Variants in FNDC3B observed in about 807,000 individuals in gnomAD.
The protein encoded by FNDC3B is fibronectin type III domain containing 3B, also known as fibronectin type III domain-containing protein 3B.
Under a neutral mutation model 151.5 loss-of-function variants are expected in FNDC3B, and 12 were observed. The ratio of observed to expected loss-of-function variants is 0.08; its 90% CI spans 0.05 to 0.13. The LOEUF is 0.13. Among genes scored for constraint, FNDC3B ranks in the 10% least tolerant of loss-of-function variants. The pLI, the probability that FNDC3B is intolerant of heterozygous loss-of-function variation, is 1.00. For synonymous variants in FNDC3B, 528 were observed against 549.0 expected, an observed-to-expected ratio of 0.96 and a Z score of 0.54; for missense variants, 1,214 against 1,505.3, an observed-to-expected ratio of 0.81 and a Z score of 3.20.
intron 3 of FNDC3B, among the ~76,000 whole-genome samples, chr3:172,171,600 CT>C (rs34275289): frequency 0.28 from 34,343 of 123,400 alleles, 3,744 homozygotes; most frequent in Admixed American, 0.31. Flanking sequence ...GCTGTATTAA[CT>C]TTTTTTTTTT....
Position 172,381,018 on chromosome 3 carries a change from G to A in FNDC3B, c.3228G>A (p.Thr1076=), listed in dbSNP as rs553812954. The A allele has an allele frequency of 1.1e-5, 17 of 1,613,646 alleles. No homozygotes were observed. Among genetic ancestry groups the A allele is most frequent in the Admixed American group, 5.0e-5 (3 of 60,016 alleles). ...ATTCATGTGAAATTTTATGGGAGAC[G>A]GTACCATCAATGAAAGGTGACCCTG... ...EGNSCEILWE[T]VPSMKGDPVN... is the part of the protein sequence containing the mutation. Residue 1076 remains threonine (T), a synonymous_variant, in exon 25 of 26, where the codon ACG becomes ACA. Transcript: ENST00000415807.
In FNDC3B at chr3:172,337,410, T is replaced by A. The variant is rs1428448132; in HGVS notation, c.1852+9T>A. 1 of 1,598,162 alleles carries A rather than the reference T, an allele frequency of 6.3e-7. No individual in the cohort carries two copies. Among genetic ancestry groups the A allele is most frequent in the Non-Finnish European group, 8.6e-7 (1 of 1,165,710 alleles). The stretch of plus-strand genomic sequence containing the variant: ...TGATGGAAATTCTGAAGGTGAAGTT[T>A]TTGGCAATTGTTTTATTCAAATCCA... On this transcript the variant is annotated intron_variant, in intron 16 of 25. Coordinates refer to ENST00000415807, the MANE Select transcript of FNDC3B (RefSeq NM_022763.4).
chr3:172,302,449 A>C (rs1730959523), intron 9 of FNDC3B: 1 of 152,252 alleles, frequency 6.6e-6, no homozygotes, highest in Non-Finnish European at 1.5e-5. Flanking sequence ...CTGACATGCC[A>C]TTTGAGCCAG....
At chr3:172,159,008 A>C (rs1318801465) in intron 3 of FNDC3B, among the ~76,000 whole-genome samples, 2 of 152,178 alleles carry the variant, frequency 1.3e-5, no homozygotes, top group East Asian at 1.9e-4. Flanking sequence ...GGGGCCGGGC[A>C]TGGTGGCTCA....
At chr3:172,207,895 C>T (rs774459219) in intron 3 of FNDC3B, among the ~76,000 whole-genome samples, 45 of 152,092 alleles carry the variant, frequency 3.0e-4, no homozygotes, top group Non-Finnish European at 5.6e-4. Context: ...TGCAGTGAAC[C>T]GAGATTGCAC....
intron 4 of FNDC3B, among the ~76,000 whole-genome samples, chr3:172,243,347 A>G (rs1315445685): frequency 2.6e-5 from 4 of 152,242 alleles, no homozygotes; most frequent in African/African-American, 9.6e-5. Context: ...GCTGATAAAG[A>G]CATACCTGAG....
chr3:172,264,577 C>G (rs1443436250), intron 6 of FNDC3B, among the ~76,000 whole-genome samples: 2 of 152,176 alleles, frequency 1.3e-5, no homozygotes, highest in Non-Finnish European at 2.9e-5. Flanking sequence ...GCTTCCAAGA[C>G]TTGCCATATT....
At chr3:172,158,257 A>G (rs1270725703) in intron 3 of FNDC3B, among the ~76,000 whole-genome samples, 29 of 152,232 alleles carry the variant, frequency 1.9e-4, no homozygotes, top group Admixed American at 1.9e-3. Context: ...TCGTTTTATA[A>G]GAAACTGACA....
intron 4 of FNDC3B, among the ~76,000 whole-genome samples, chr3:172,244,935 C>G (rs1324271922): frequency 6.6e-6 from 1 of 152,066 alleles, no homozygotes; most frequent in African/African-American, 2.4e-5. Context: ...CAATATTTCA[C>G]TTTTTTAAAA....
chr3:172,391,366 G>T (rs933535480), intron 25 of FNDC3B, among the ~76,000 whole-genome samples: 5 of 152,156 alleles, frequency 3.3e-5, no homozygotes, highest in Admixed American at 1.3e-4. Context: ...CCATGTTAAA[G>T]ATGAGAAAAC....
At chr3:172,252,362 T>G (rs1170172243) in intron 6 of FNDC3B, among the ~76,000 whole-genome samples, 1 of 152,016 alleles carries the variant, frequency 6.6e-6, no homozygotes, top group Non-Finnish European at 1.5e-5. Flanking sequence ...CTTGAACAAC[T>G]TTTAAACATA....
intron 25 of FNDC3B, among the ~76,000 whole-genome samples, chr3:172,393,839 T>G (rs914246754): frequency 3.3e-5 from 5 of 152,074 alleles, no homozygotes; most frequent in Admixed American, 2.6e-4. Flanking sequence ...CCAGGCACAG[T>G]GGCTCACACC....
intron 1 of FNDC3B, among the ~76,000 whole-genome samples, chr3:172,098,896 G>C (rs1055815874): frequency 3.3e-5 from 5 of 152,170 alleles, no homozygotes; most frequent in African/African-American, 1.2e-4. Flanking sequence ...CGTGCTTCCT[G>C]TGTGAGTACC....
At chr3:172,131,796 T>C (rs1157676983) in intron 2 of FNDC3B, among the ~76,000 whole-genome samples, 2 of 152,214 alleles carry the variant, frequency 1.3e-5, no homozygotes, top group Non-Finnish European at 2.9e-5. Flanking sequence ...AATTATAGTG[T>C]ATACAGTAAA....
At chr3:172,260,653 C>T (rs983109708) in intron 6 of FNDC3B, among the ~76,000 whole-genome samples, 5 of 152,178 alleles carry the variant, frequency 3.3e-5, no homozygotes, top group African/African-American at 7.2e-5. Flanking sequence ...GTCCTGCAGG[C>T]TGGGTCAGTG....
chr3:172,277,815 C>T (rs4894535), intron 6 of FNDC3B, among the ~76,000 whole-genome samples: 29,352 of 152,014 alleles, frequency 0.19, 2,982 homozygotes, highest in East Asian at 0.32. Context: ...ATAGTCCTTA[C>T]CCTTCCCTTT....
At position 172,337,407 on chromosome 3, in the gene FNDC3B, G is replaced by C. The variant is rs1560086557; in HGVS notation, c.1852+6G>C. 6.2e-7 allele frequency: 1 copy of C among 1,600,672 alleles called. No homozygotes were observed. Among genetic ancestry groups the C allele is most frequent in the Admixed American group, 1.7e-5 (1 of 59,998 alleles). On this transcript the variant is annotated splice_donor_region_variant and intron_variant, in intron 16 of 25. Transcript: ENST00000415807. ...TACTGATGGAAATTCTGAAGGTGAAGTTTTTGGCAATTGTTTTATTCAAAT... is the reference window on the plus strand; with the variant it reads ...TACTGATGGAAATTCTGAAGGTGAACTTTTTGGCAATTGTTTTATTCAAAT...
intron 6 of FNDC3B, among the ~76,000 whole-genome samples, chr3:172,262,894 C>CAAAAAAAAAAAAAAAAAAAAAAAAAAAAA (rs67891835): frequency 1.6e-5 from 1 of 60,636 alleles, no homozygotes; most frequent in African/African-American, 6.4e-5. Context: ...GAGACCGACT[C>CAAAAAAAAAAAAAAAAAAAAAAAAAAAAA]AAAAAAAAAA....
intron 2 of FNDC3B, 72 bp from the exon 3 acceptor site, chr3:172,133,399 A>T: frequency 8.6e-7 from 1 of 1,168,116 alleles, no homozygotes; most frequent in Non-Finnish European, 1.3e-6. Flanking sequence ...TAGTATATAA[A>T]TTTAGGTAAT....
Sources: allele counts gnomAD v4.1 joint callset (sites outside exome capture counted in the v4.1 genomes callset), GRCh38; gene constraint gnomAD v4.1.1; transcripts MANE v1.5; gene names NCBI Gene and HGNC (gene_info 2026-07-23, HGNC 2026-07-21).